Variants in PAWR observed in about 807,000 individuals in gnomAD.
The protein encoded by PAWR is pro-apoptotic WT1 regulator.
In PAWR, 23 loss-of-function variants were observed where a neutral mutation model predicts 32.0. The observed-to-expected ratio is 0.72, with a 90% CI of 0.52 to 1.02. The LOEUF (loss-of-function observed/expected upper bound fraction) is 1.02. Ranked by LOEUF, PAWR falls within the 50% of genes least tolerant of loss-of-function variation. The probability of loss-of-function intolerance (pLI) is 0.00; values close to 1 mark genes in which losing one functional copy is unlikely to be tolerated. For synonymous variants in PAWR, 226 were observed against 187.1 expected (o/e 1.21, Z -1.70); for missense variants, 457 against 437.7 (o/e 1.04, Z -0.39).
At chr12:79,637,960 A>G (rs1402044616) in intron 2 of PAWR, among the ~76,000 whole-genome samples, 1 of 152,112 alleles carries the variant, frequency 6.6e-6, no homozygotes, top group Non-Finnish European at 1.5e-5. Flanking sequence ...TTGTAACAAA[A>G]ATTTTAGTAG....
At chr12:79,593,181 G>GAT (rs1873618967) in intron 6 of PAWR, among the ~76,000 whole-genome samples, 1 of 152,106 alleles carries the variant, frequency 6.6e-6, no homozygotes, top group Admixed American at 6.6e-5. Context: ...GTACAATGGG[G>GAT]ATAACACTCT....
At chr12:79,671,617 T>C (rs1592548413) in intron 2 of PAWR, among the ~76,000 whole-genome samples, 1 of 152,252 alleles carries the variant, frequency 6.6e-6, no homozygotes, top group Non-Finnish European at 1.5e-5. Context: ...ACCATGTTAA[T>C]TGTTTAGTTT....
chr12:79,608,464 G>C (rs1001437236), intron 4 of PAWR, among the ~76,000 whole-genome samples: 1 of 152,194 alleles, frequency 6.6e-6, no homozygotes, highest in African/African-American at 2.4e-5. Flanking sequence ...TGATCTGGCA[G>C]GAAGCAAAGC....
chr12:79,689,781 T>C lies in PAWR; in HGVS notation c.464A>G (p.Lys155Arg). ...GGTGGAGCGCCGCTTCTCCCGCAGC[T>C]TCCTCTTCTCGATCTGCCCCTTGCC... Reference protein sequence around the residue: ...RKGKGQIEKRKLREKRRSTGV... With the variant: ...RKGKGQIEKRRLREKRRSTGV... Residue 155 changes from lysine to arginine, a missense_variant, in exon 2 of 7, where the codon AAG becomes AGG. Transcript: ENST00000328827. The C allele has an allele frequency of 1.3e-6, 2 of 1,592,470 alleles. No homozygotes were observed. Among genetic ancestry groups the C allele is most frequent in the Non-Finnish European group, 1.7e-6 (2 of 1,170,594 alleles).
intron 2 of PAWR, among the ~76,000 whole-genome samples, chr12:79,678,847 A>G (rs1878297596): frequency 7.0e-6 from 1 of 143,312 alleles, no homozygotes. Flanking sequence ...GACTTCCTTA[A>G]TTAATGGCTC....
Position 79,641,841 on chromosome 12 carries a change from G to A in PAWR, c.517-20634C>T, listed in dbSNP as rs532997678. Among the ~76,000 whole-genome samples the A allele has an allele frequency of 2.7e-3, 196 of 73,180 alleles. 1 individual carries two copies. Among genetic ancestry groups the A allele is most frequent in the Non-Finnish European group, 2.9e-3 (130 of 44,222 alleles). The allele number at this position is 73,180 out of a possible 152,430, so 48.0% of individuals were successfully genotyped here. On this transcript the variant is annotated intron_variant, in intron 2 of 6. Coordinates refer to ENST00000328827, the MANE Select transcript of PAWR (RefSeq NM_002583.4). Reference sequence around the variant, plus strand: ...CAGCCTGGCAACCGAGCGAGACTCCGTCTCAAAAAAAAAAAAAAAAAAAAA... The same window carrying A: ...CAGCCTGGCAACCGAGCGAGACTCCATCTCAAAAAAAAAAAAAAAAAAAAA...
At chr12:79,666,025 C>G (rs564654328) in intron 2 of PAWR, among the ~76,000 whole-genome samples, 2 of 152,252 alleles carry the variant, frequency 1.3e-5, no homozygotes, top group African/African-American at 4.8e-5. Flanking sequence ...TTAGACTCCT[C>G]AAGCAAGTTT....
intron 2 of PAWR, among the ~76,000 whole-genome samples, chr12:79,653,053 GTTTT>G (rs373811115): frequency 6.6e-6 from 1 of 151,942 alleles, no homozygotes. Context: ...TTGTTTGTTT[GTTTT>G]TTTGAGACAG....
intron 2 of PAWR, among the ~76,000 whole-genome samples, chr12:79,656,976 A>C (rs1006712739): frequency 6.6e-6 from 1 of 152,152 alleles, no homozygotes; most frequent in Non-Finnish European, 1.5e-5. Context: ...AGAGTTCTGA[A>C]GAGGAAAAAA....
chr12:79,689,739 G>C lies in PAWR; in HGVS notation c.506C>G (p.Pro169Arg). 1 of 1,563,106 alleles carries C rather than the reference G, an allele frequency of 6.4e-7. No individual in the cohort carries two copies. The highest frequency in any genetic ancestry group is 8.6e-7 in the Non-Finnish European group (1 of 1,157,684). ...KRRSTGVVNI[P>R]AAECLDEYED... Reference sequence around the variant, plus strand: ...CCCCGCCCGGCTCACCTCTGCGGCAGGGATGTTGACCACGCCGGTGGAGCG... The same window carrying C: ...CCCCGCCCGGCTCACCTCTGCGGCACGGATGTTGACCACGCCGGTGGAGCG... The change falls in exon 2 of 7, where the codon CCT (proline) becomes CGT (arginine). Residue 169 changes from proline (P) to arginine (R), a missense_variant. Transcript: ENST00000328827.
At chr12:79,639,873 C>G (rs1285468629) in intron 2 of PAWR, among the ~76,000 whole-genome samples, 1 of 104,794 alleles carries the variant, frequency 9.5e-6, no homozygotes, top group Non-Finnish European at 1.8e-5. Context: ...TATTCCTATT[C>G]CTATTCCTAT....
chr12:79,689,543 G>A (rs1282102897), intron 2 of PAWR, among the ~76,000 whole-genome samples, 186 bp downstream of exon 2: 1 of 152,136 alleles, frequency 6.6e-6, no homozygotes, highest in African/African-American at 2.4e-5. Context: ...TCTGAGTTTG[G>A]GGAACTTCCC....
At chr12:79,663,026 C>G (rs1241026534) in intron 2 of PAWR, among the ~76,000 whole-genome samples, 3 of 152,294 alleles carry the variant, frequency 2.0e-5, no homozygotes, top group Middle Eastern at 3.4e-3. Flanking sequence ...GCAGTTCAAT[C>G]TCCATTATAC....
At chr12:79,594,470 A>G (rs1267777255) in intron 5 of PAWR, 37 bp from the exon 6 acceptor site, 1 of 981,352 alleles carries the variant, frequency 1.0e-6, no homozygotes, top group Non-Finnish European at 1.6e-6. Flanking sequence ...ATTAGGAAGT[A>G]ATTGTTTATT....
At chr12:79,615,540 G>A (rs1029095533) in intron 3 of PAWR, among the ~76,000 whole-genome samples, 4 of 152,102 alleles carry the variant, frequency 2.6e-5, no homozygotes, top group African/African-American at 9.7e-5. Flanking sequence ...AGCATCAGCT[G>A]TTCTTACAGC....
At chr12:79,643,466 A>G (rs1231249571) in intron 2 of PAWR, among the ~76,000 whole-genome samples, 2 of 152,182 alleles carry the variant, frequency 1.3e-5, no homozygotes, top group Admixed American at 1.3e-4. Flanking sequence ...TGAGCATTTA[A>G]ATGCTATTTG....
chr12:79,652,722 C>G (rs915563636), intron 2 of PAWR, among the ~76,000 whole-genome samples: 1 of 152,142 alleles, frequency 6.6e-6, no homozygotes, highest in Admixed American at 6.5e-5. Flanking sequence ...CTGTGCATTC[C>G]TGGGAGGATT....
chr12:79,612,013 T>A (rs1874460745), intron 4 of PAWR, among the ~76,000 whole-genome samples: 1 of 152,116 alleles, frequency 6.6e-6, no homozygotes, highest in Non-Finnish European at 1.5e-5. Flanking sequence ...ACAACAAACT[T>A]GATAAGTTGC....
chr12:79,689,677 G>A (rs1230825642), intron 2 of PAWR, 52 bp downstream of exon 2: 18 of 1,518,392 alleles, frequency 1.2e-5, no homozygotes, highest in East Asian at 2.5e-5. Flanking sequence ...AAGACACCGG[G>A]AGGCAGCTGC....
Sources: gnomAD v4.1 joint callset for allele counts (sites outside exome capture counted in the v4.1 genomes callset) on GRCh38, gnomAD v4.1.1 for gene constraint, MANE v1.5 for transcripts, NCBI Gene and HGNC (gene_info 2026-07-23, HGNC 2026-07-21) for gene names.